Variants in MYO3B observed in about 807,000 individuals in gnomAD.
MYO3B encodes the protein myosin-IIIb.
A neutral mutation model predicts 174.6 loss-of-function variants in MYO3B; 156 were observed. The observed-to-expected ratio is 0.89, with a 90% CI of 0.78 to 1.02. MYO3B has a LOEUF of 1.02. Among genes scored for constraint, MYO3B ranks in the 50% least tolerant of loss-of-function variants. The probability of loss-of-function intolerance (pLI) is 0.00; values close to 1 mark genes in which losing one functional copy is unlikely to be tolerated. For synonymous variants in MYO3B, 563 were observed against 569.1 expected (o/e 0.99, Z 0.15); for missense variants, 1,632 against 1,639.4 (o/e 1.00, Z 0.08).
At chr2:170,189,408 C>G (rs1354612211) in intron 1 of MYO3B, among the ~76,000 whole-genome samples, 1 of 152,054 alleles carries the variant, frequency 6.6e-6, no homozygotes, top group Non-Finnish European at 1.5e-5. Flanking sequence ...TTTGAATAAA[C>G]ATTCTACCCC....
At chr2:170,386,930 G>T (rs2094379997) in intron 13 of MYO3B, among the ~76,000 whole-genome samples, 176 bp from the exon 14 acceptor site, 1 of 152,242 alleles carries the variant, frequency 6.6e-6, no homozygotes, top group Non-Finnish European at 1.5e-5. Context: ...TTCATATGCA[G>T]ATCTGGGGAG....
intron 9 of MYO3B, among the ~76,000 whole-genome samples, chr2:170,379,793 T>C (rs143829152): frequency 2.1e-4 from 32 of 152,360 alleles, no homozygotes; most frequent in African/African-American, 7.0e-4. Context: ...GACCTTTATA[T>C]GAATTAGCAG....
intron 23 of MYO3B, among the ~76,000 whole-genome samples, chr2:170,455,529 G>A (rs1575006536): frequency 6.6e-6 from 1 of 152,188 alleles, no homozygotes; most frequent in East Asian, 1.9e-4. Context: ...TTCCTCATAT[G>A]TGGAATGGGA....
At chr2:170,538,554 G>C (rs1689874416) in intron 30 of MYO3B, among the ~76,000 whole-genome samples, 1 of 152,216 alleles carries the variant, frequency 6.6e-6, no homozygotes, top group South Asian at 2.1e-4. Flanking sequence ...TCAGCAGCCA[G>C]CTACTCAGGA....
chr2:170,488,637 A>T (rs1211810282), intron 25 of MYO3B, among the ~76,000 whole-genome samples: 1 of 152,216 alleles, frequency 6.6e-6, no homozygotes, highest in East Asian at 1.9e-4. Flanking sequence ...GAAATAAAAG[A>T]ATGTTGGGAT....
At chr2:170,596,364 C>G (rs1230313498) in intron 32 of MYO3B, among the ~76,000 whole-genome samples, 1 of 152,194 alleles carries the variant, frequency 6.6e-6, no homozygotes, top group East Asian at 1.9e-4. Context: ...CCGTGAGTCC[C>G]TTACCTGGTA....
chr2:170,198,574 G>A (rs1369554034), intron 1 of MYO3B, among the ~76,000 whole-genome samples: 1 of 152,196 alleles, frequency 6.6e-6, no homozygotes, highest in African/African-American at 2.4e-5. Context: ...AACTACAGCT[G>A]TTTGGGCTGG....
At chr2:170,625,487 A>T (rs553226500) in intron 32 of MYO3B, among the ~76,000 whole-genome samples, 2 of 151,950 alleles carry the variant, frequency 1.3e-5, no homozygotes, top group East Asian at 3.9e-4. Context: ...AATTTTGTTG[A>T]TCTTTTCAAA....
intron 32 of MYO3B, chr2:170,646,764 C>A: frequency 7.9e-6 from 3 of 379,450 alleles, no homozygotes; most frequent in South Asian, 5.0e-5. Context: ...TTCTCTGGGG[C>A]CCCTCCCACA....
chr2:170,453,235 T>G (rs1683701189), intron 23 of MYO3B, among the ~76,000 whole-genome samples: 1 of 152,156 alleles, frequency 6.6e-6, no homozygotes, highest in Non-Finnish European at 1.5e-5. Flanking sequence ...AGTAGGGGTT[T>G]AGGGGTCCAC....
intron 22 of MYO3B, among the ~76,000 whole-genome samples, chr2:170,434,197 T>C (rs941455306): frequency 6.6e-6 from 1 of 152,152 alleles, no homozygotes; most frequent in African/African-American, 2.4e-5. Context: ...ACTATAGGTT[T>C]GTGTTTTTTT....
intron 14 of MYO3B, among the ~76,000 whole-genome samples, chr2:170,387,882 A>G (rs1186256056): frequency 6.6e-6 from 1 of 152,138 alleles, no homozygotes; most frequent in Non-Finnish European, 1.5e-5. Context: ...TGTGAGGATT[A>G]ACATGTTCAT....
Position 170,199,343 on chromosome 2 carries a change from CAA to C in MYO3B, c.139_140del (p.Lys47GlufsTer16). 1.2e-6 allele frequency: 2 copies of C among 1,613,124 alleles called. No homozygotes were observed. The highest frequency in any genetic ancestry group is 8.5e-7 in the Non-Finnish European group (1 of 1,179,532). On this transcript the variant is annotated frameshift_variant, in exon 2 of 35. Coordinates refer to ENST00000408978, the MANE Select transcript of MYO3B (RefSeq NM_138995.5). LOFTEE classifies it high-confidence loss of function. ...ATGGCAAAGTCTACAAGGTAACTAA[CAA>C]GAGAGATGGGAGCCTGGCTGCAGTG... Reference protein sequence around the residue: ...TYGKVYKVTNKRDGSLAAVKI... With the variant: ...TYGKVYKVTNXRDGSLAAVKI...
At chr2:170,259,963 A>G (rs1194289000) in intron 7 of MYO3B, among the ~76,000 whole-genome samples, 1 of 150,396 alleles carries the variant, frequency 6.6e-6, no homozygotes, top group Non-Finnish European at 1.5e-5. Flanking sequence ...ACAAACATGA[A>G]AAAAAAAAAG....
chr2:170,290,702 C>T (rs962207970), intron 7 of MYO3B, among the ~76,000 whole-genome samples: 4 of 152,178 alleles, frequency 2.6e-5, no homozygotes, highest in South Asian at 4.1e-4. Context: ...TAAGTAAAGA[C>T]TTATTATTGC....
At chr2:170,243,554 C>T (rs2105315104) in intron 7 of MYO3B, among the ~76,000 whole-genome samples, 1 of 152,300 alleles carries the variant, frequency 6.6e-6, no homozygotes, top group African/African-American at 2.4e-5. Context: ...TGTCAGTGTC[C>T]TCCCTTATAA....
At chr2:170,285,933 T>A (rs2093553168) in intron 7 of MYO3B, among the ~76,000 whole-genome samples, 1 of 152,160 alleles carries the variant, frequency 6.6e-6, no homozygotes, top group South Asian at 2.1e-4. Context: ...AAAAGCCAAT[T>A]GTTCCAATAT....
At chr2:170,356,001 G>A (rs1489243961) in intron 8 of MYO3B, among the ~76,000 whole-genome samples, 7 of 151,432 alleles carry the variant, frequency 4.6e-5, no homozygotes, top group South Asian at 2.1e-4. Flanking sequence ...TCGCTGTGTC[G>A]CCCAGGTGGA....
intron 32 of MYO3B, among the ~76,000 whole-genome samples, chr2:170,626,481 C>T (rs1488738685): frequency 3.9e-5 from 6 of 152,160 alleles, no homozygotes; most frequent in Non-Finnish European, 1.5e-5. Flanking sequence ...ATACAGCACA[C>T]TGATGGGTCT....
Sources: allele counts gnomAD v4.1 joint callset (sites outside exome capture counted in the v4.1 genomes callset), GRCh38; gene constraint gnomAD v4.1.1; transcripts MANE v1.5; gene names NCBI Gene and HGNC (gene_info 2026-07-23, HGNC 2026-07-21).